Variants in ZNF462 observed in about 807,000 individuals in gnomAD.
ZNF462 encodes zinc finger PBX1-interacting protein.
In ZNF462, 10 loss-of-function variants were observed where a neutral mutation model predicts 201.9. The ratio of observed to expected loss-of-function variants is 0.05; its 90% confidence interval spans 0.03 to 0.08. ZNF462 has a LOEUF of 0.08. Ranked by LOEUF, ZNF462 falls within the 10% of genes least tolerant of loss-of-function variation. ZNF462 has a pLI of 1.00. For synonymous variants in ZNF462, 1,227 were observed against 1,193.3 expected, an observed-to-expected ratio of 1.03 and a Z score of -0.58; for missense variants, 2,523 against 3,168.3, an observed-to-expected ratio of 0.80 and a Z score of 4.89.
intron 1 of ZNF462, among the ~76,000 whole-genome samples, chr9:106,909,479 A>G (rs1396837725): frequency 2.0e-5 from 3 of 152,120 alleles, no homozygotes; most frequent in Non-Finnish European, 4.4e-5. Flanking sequence ...TAAATTACCT[A>G]TTCTTGAGAT....
intron 1 of ZNF462, among the ~76,000 whole-genome samples, chr9:106,873,126 T>A (rs557615313): frequency 6.6e-6 from 1 of 152,324 alleles, no homozygotes; most frequent in Admixed American, 6.5e-5. Context: ...GTTTATCTCT[T>A]CCAGTTGCTT....
chr9:106,983,344 C>T (rs1031501249), intron 9 of ZNF462, among the ~76,000 whole-genome samples: 2 of 152,114 alleles, frequency 1.3e-5, no homozygotes, highest in South Asian at 2.1e-4. Context: ...GACACAAATC[C>T]TCCCTGTCTC....
chr9:106,912,273 T>C (rs148154278), intron 1 of ZNF462, among the ~76,000 whole-genome samples: 14 of 152,364 alleles, frequency 9.2e-5, no homozygotes, highest in African/African-American at 2.9e-4. Context: ...ATTCTAAAGA[T>C]AATTCAGTGT....
At position 106,925,381 on chromosome 9, in the gene ZNF462, A is replaced by G; in HGVS notation, c.1469A>G (p.Gln490Arg). 1 of 1,614,220 alleles carries G rather than the reference A, an allele frequency of 6.2e-7. No homozygotes were observed. The highest frequency in any genetic ancestry group is 8.5e-7 in the Non-Finnish European group (1 of 1,180,030). The change falls in exon 3 of 13, where the codon CAG becomes CGG. Residue 490 changes from glutamine to arginine, a missense_variant. Physicochemically the swap from Gln to Arg is conservative, Grantham distance 43. This residue lies in a region of ZNF462 where 383 missense variants were observed against 453.4 expected (regional missense o/e 0.84). Coordinates refer to ENST00000277225, the MANE Select transcript of ZNF462 (RefSeq NM_021224.6). This position sits in a 1 kb window ranked among gnomAD's most constrained non-coding sequence, Gnocchi z 7.9. ...KSSLKLGAHK[Q>R]CHTGTTSDWD... Reference sequence around the variant, plus strand: ...TCGTTGAAACTTGGGGCTCACAAACAGTGTCACACGGGTACAACGTCAGAT... The same window carrying G: ...TCGTTGAAACTTGGGGCTCACAAACGGTGTCACACGGGTACAACGTCAGAT...
At chr9:106,990,386 T>C (rs1057314125) in intron 10 of ZNF462, among the ~76,000 whole-genome samples, 3 of 152,070 alleles carry the variant, frequency 2.0e-5, no homozygotes, top group African/African-American at 7.2e-5. Flanking sequence ...ATAGAATGTG[T>C]ATTCTGTGGT....
chr9:107,009,406 A>G lies in ZNF462; in HGVS notation c.7190-139A>G, dbSNP rs1033007611. ...TGCCCTAAGGGGGAAACCTAAGAAA[A>G]AGTGAGGAATCTGGAAATTGCTTTC... On this transcript the variant is annotated intron_variant, in intron 11 of 12. Coordinates refer to ENST00000277225, the MANE Select transcript of ZNF462 (RefSeq NM_021224.6). This position sits in a 1 kb window ranked among gnomAD's most constrained non-coding sequence, Gnocchi z 6.1. 12 of 1,196,874 alleles carry G rather than the reference A, an allele frequency of 1.0e-5. No homozygotes were observed. In the East Asian group the frequency reaches 2.3e-4, roughly 23 times the overall value. The allele number at this position is 1,196,874 out of a possible 1,614,324, so 74.1% of individuals were successfully genotyped here. A position where few individuals can be genotyped will look rare whatever the true frequency, so the allele number is the denominator to read the frequency against.
chr9:106,962,313 A>C lies in ZNF462; in HGVS notation c.6428-9692A>C, dbSNP rs1831878433. Among the ~76,000 whole-genome samples, 1 of 152,022 alleles carries C rather than the reference A, an allele frequency of 6.6e-6. No individual in the cohort carries two copies. Among genetic ancestry groups the C allele is most frequent in the Non-Finnish European group, 1.5e-5 (1 of 67,956 alleles). On this transcript the variant is annotated intron_variant, in intron 7 of 12. Transcript: ENST00000277225. The surrounding 1 kb of genome is among the most constrained non-coding windows in gnomAD (Gnocchi z 4.6). ...TCATTGAATGTGTGGAATGAAAGAG[A>C]GAAATGAATCAAGGATTTATTCTGA... is the stretch of plus-strand genomic sequence containing the variant.
chr9:106,931,823 C>T (rs1344811645), intron 4 of ZNF462, among the ~76,000 whole-genome samples: 1 of 152,238 alleles, frequency 6.6e-6, no homozygotes, highest in Non-Finnish European at 1.5e-5. Flanking sequence ...TGCTTTGCTT[C>T]CTTTCCAGAT....
intron 1 of ZNF462, among the ~76,000 whole-genome samples, chr9:106,898,840 G>A (rs1828926310): frequency 6.6e-6 from 1 of 152,088 alleles, no homozygotes; most frequent in African/African-American, 2.4e-5. Flanking sequence ...GATGAATTTG[G>A]TTTAGCAGAA....
intron 1 of ZNF462, among the ~76,000 whole-genome samples, chr9:106,916,755 A>C (rs1009435030): frequency 6.6e-6 from 1 of 152,164 alleles, no homozygotes. Flanking sequence ...GATGAGCTGG[A>C]ATCTCATTTA....
chr9:106,864,358 G>C (rs1429141671), intron 1 of ZNF462, among the ~76,000 whole-genome samples: 1 of 151,996 alleles, frequency 6.6e-6, no homozygotes, highest in Non-Finnish European at 1.5e-5. Flanking sequence ...CTGAGGAAGG[G>C]AGAAAGGAAG....
Position 106,929,106 on chromosome 9 carries a change from G to A in ZNF462, c.5194G>A (p.Ala1732Thr). The change falls in exon 3 of 13, where the codon GCC becomes ACC. Residue 1732 changes from alanine to threonine, a missense_variant. Transcript: ENST00000277225. This position sits in a 1 kb window ranked among gnomAD's most constrained non-coding sequence, Gnocchi z 8.7. ...IDAYYTHCLA[A>T]SRTISDKPNK... Reference sequence around the variant, plus strand: ...TGCGTATTACACTCACTGCTTGGCAGCCTCCAGGACCATCAGCGACAAGCC... The same window carrying A: ...TGCGTATTACACTCACTGCTTGGCAACCTCCAGGACCATCAGCGACAAGCC... 1 of 1,614,140 alleles carries A rather than the reference G, an allele frequency of 6.2e-7. No individual in the cohort carries two copies. The highest frequency in any genetic ancestry group is 8.5e-7 in the Non-Finnish European group (1 of 1,180,036).
Position 106,978,978 on chromosome 9 carries a change from G to A in ZNF462, c.6832+4705G>A. On this transcript the variant is annotated intron_variant, in intron 9 of 12. Transcript: ENST00000277225. This position sits in a 1 kb window ranked among gnomAD's most constrained non-coding sequence, Gnocchi z 4.1. ...GTTAATGTGTGTGAAGGCAACAGTAGTGCAGATCTCCCTGTGGACTAGACA... is the reference window on the plus strand; with the variant it reads ...GTTAATGTGTGTGAAGGCAACAGTAATGCAGATCTCCCTGTGGACTAGACA... 7.8e-6 allele frequency: 2 copies of A among 256,628 alleles called. No individual in the cohort carries two copies. Among genetic ancestry groups the A allele is most frequent in the East Asian group, 1.4e-4 (1 of 7,274 alleles). 15.9% of individuals were successfully genotyped at this position (256,628 alleles called of 1,614,324 possible). A position where few individuals can be genotyped will look rare whatever the true frequency, so the allele number is the denominator to read the frequency against.
intron 7 of ZNF462, among the ~76,000 whole-genome samples, chr9:106,942,499 TG>T (rs1351090909): frequency 2.0e-5 from 3 of 152,178 alleles, no homozygotes; most frequent in Non-Finnish European, 4.4e-5. Context: ...AACGGCTCTA[TG>T]GTATTGGTTT....
chr9:106,918,253 G>GC (rs1360921612), intron 1 of ZNF462, among the ~76,000 whole-genome samples: 1 of 152,104 alleles, frequency 6.6e-6, no homozygotes, highest in Non-Finnish European at 1.5e-5. Flanking sequence ...AACTGATTCT[G>GC]CCCCCAGCTC....
intron 1 of ZNF462, among the ~76,000 whole-genome samples, chr9:106,896,247 G>A (rs891375175): frequency 2.0e-5 from 3 of 152,118 alleles, no homozygotes; most frequent in South Asian, 2.1e-4. Context: ...TACTAGCTAC[G>A]TAGTAGGCAC....
Position 106,925,481 on chromosome 9 carries a change from A to T in ZNF462, c.1569A>T (p.Ser523=). The T allele has an allele frequency of 6.2e-7, 1 of 1,614,180 alleles. No individual in the cohort carries two copies. The highest frequency in any genetic ancestry group is 8.5e-7 in the Non-Finnish European group (1 of 1,180,030). ...AAGGTGTGGTGTCTTATGAGAGCTC[A>T]AGCATCAATGGTAGAAAGTCAGGAG... The part of the protein sequence containing the change: ...LNEGVVSYES[S]SINGRKSGVM... Residue 523 remains serine (S), a synonymous_variant, in exon 3 of 13, where the codon TCA becomes TCT. Coordinates refer to ENST00000277225, the MANE Select transcript of ZNF462 (RefSeq NM_021224.6). The surrounding 1 kb of genome is among the most constrained non-coding windows in gnomAD (Gnocchi z 7.9).
rs761868687 is a variant in ZNF462, at chr9:106,917,047, C to G, written c.-30-6307C>G. Among the ~76,000 whole-genome samples, 23 of 152,194 alleles carry G rather than the reference C, an allele frequency of 1.5e-4. No homozygotes were observed. Among genetic ancestry groups the G allele is most frequent in the Non-Finnish European group, 2.5e-4 (17 of 68,040 alleles). Reference sequence around the variant, plus strand: ...GAGAGCTGGCAGACTGCCTATTGGCCTGTTGGCCTCAATTAGCCTTATATC... The same window carrying G: ...GAGAGCTGGCAGACTGCCTATTGGCGTGTTGGCCTCAATTAGCCTTATATC... On this transcript the variant is annotated intron_variant, in intron 1 of 12. Coordinates refer to ENST00000277225, the MANE Select transcript of ZNF462 (RefSeq NM_021224.6). This position sits in a 1 kb window ranked among gnomAD's most constrained non-coding sequence, Gnocchi z 4.5.
At chr9:106,891,293 A>G (rs1828564451) in intron 1 of ZNF462, among the ~76,000 whole-genome samples, 1 of 152,230 alleles carries the variant, frequency 6.6e-6, no homozygotes, top group African/African-American at 2.4e-5. Context: ...TTTAAAATCT[A>G]ATATTTAATT....
Sources: allele counts gnomAD v4.1 joint callset (sites outside exome capture counted in the v4.1 genomes callset), GRCh38; gene constraint gnomAD v4.1.1; regional missense constraint gnomAD v4.1.1; non-coding constraint Gnocchi (gnomAD v3.1); transcripts MANE v1.5; gene names NCBI Gene and HGNC (gene_info 2026-07-23, HGNC 2026-07-21).